NBPF3: variants seen among roughly 807,000 people sequenced by gnomAD.
The protein encoded by NBPF3 is NBPF member 3, also known as NBPF family member NBPF3.
In NBPF3, 57 loss-of-function variants were observed where a neutral mutation model predicts 78.1. That is an observed-to-expected ratio of 0.73 (90% confidence interval 0.59 to 0.91). The LOEUF is 0.91. Ranked by LOEUF, NBPF3 falls within the 40% of genes least tolerant of loss-of-function variation. The probability of loss-of-function intolerance (pLI) is 0.00; values close to 1 mark genes in which losing one functional copy is unlikely to be tolerated. For missense variants in NBPF3, 510 were observed against 715.3 expected (o/e 0.71, Z 3.27); for synonymous variants, 182 against 271.7 (o/e 0.67, Z 3.25).
At position 21,480,111 on chromosome 1, in the gene NBPF3, A is replaced by G. The variant is rs1643126891; in HGVS notation, c.1269A>G (p.Arg423=). 8.9e-7 allele frequency: 1 copy of G among 1,118,162 alleles called. No homozygotes were observed. Among genetic ancestry groups the G allele is most frequent in the Non-Finnish European group, 1.3e-6 (1 of 752,438 alleles). The allele number at this position is 1,118,162 out of a possible 1,614,324, so 69.3% of individuals were successfully genotyped here. The change falls in exon 11 of 15, where the codon AGA becomes AGG. Residue 423 remains arginine (R), a synonymous_variant. Transcript: ENST00000318249. ...EPEVLQDSLD[R]FYSTPFEYLE... ...AAGTCTTGCAGGACTCACTGGATAG[A>G]TTTTATTCAACTCCTTTTGAGTACC...
At chr1:21,479,312 G>A (rs758844506) in intron 9 of NBPF3, 37 bp from the exon 10 acceptor site, 1 of 1,603,852 alleles carries the variant, frequency 6.2e-7, no homozygotes, top group Non-Finnish European at 8.5e-7. Flanking sequence ...AGGAAGAACT[G>A]CTTCATGTAA....
chr1:21,469,949 CTG>C (rs1642492864), intron 3 of NBPF3, among the ~76,000 whole-genome samples: 1 of 152,232 alleles, frequency 6.6e-6, no homozygotes, highest in Admixed American at 6.5e-5. Context: ...ATACCTACCT[CTG>C]TAAATTGCTG....
intron 2 of NBPF3, among the ~76,000 whole-genome samples, chr1:21,447,461 C>A (rs1641055265): frequency 6.6e-6 from 1 of 152,196 alleles, no homozygotes; most frequent in Admixed American, 6.5e-5. Context: ...CATTTTACTG[C>A]TTCTTTTTGA....
At chr1:21,478,486 G>A (rs1468007257) in intron 9 of NBPF3, among the ~76,000 whole-genome samples, 179 bp downstream of exon 9, 1 of 152,206 alleles carries the variant, frequency 6.6e-6, no homozygotes, top group East Asian at 1.9e-4. Context: ...CGTGGGGTGG[G>A]TCAGTGAGCT....
chr1:21,472,754 A>C, intron 5 of NBPF3, 89 bp from the exon 6 acceptor site: 1 of 911,296 alleles, frequency 1.1e-6, no homozygotes, highest in Non-Finnish European at 1.8e-6. Flanking sequence ...GACCATGCCT[A>C]GATGTTCATG....
intron 14 of NBPF3, 77 bp from the exon 15 acceptor site, chr1:21,483,066 T>C (rs1643307610): frequency 4.4e-6 from 7 of 1,599,276 alleles, no homozygotes; most frequent in Non-Finnish European, 5.1e-6. Context: ...TTCCTTATGT[T>C]ACCCCTGAAA....
At position 21,476,708 on chromosome 1, in the gene NBPF3, C is replaced by CA. The variant is rs763094072; in HGVS notation, c.993-1435dup. ...GACCATTCTCTCTGGCTGCCCTTAA[C>CA]ATTTTTTCCTTCTTTCAACCTTGGT... is the stretch of plus-strand genomic sequence containing the variant. On this transcript the variant is annotated intron_variant, in intron 8 of 14. Transcript: ENST00000318249. The surrounding 1 kb of genome is among the most constrained non-coding windows in gnomAD (Gnocchi z 4.1). Among the ~76,000 whole-genome samples the CA allele has an allele frequency of 2.4e-4, 36 of 152,306 alleles. No individual in the cohort carries two copies. In the South Asian group the frequency reaches 4.8e-3, roughly 20 times the overall value.
chr1:21,470,646 A>G lies in NBPF3; in HGVS notation c.358A>G (p.Lys120Glu), dbSNP rs368166649. The stretch of plus-strand genomic sequence containing the variant: ...TCTTTTCTCAGACTATGAAGACTGC[A>G]AAGACCTCATAAAATCTATGCTGAG... ...RQNNYDYEDC[K>E]DLIKSMLRDE... is the part of the protein sequence containing the mutation. The change falls in exon 4 of 15, where the codon AAA becomes GAA. Residue 120 changes from lysine (K) to glutamate (E), a missense_variant. Lys to Glu is a moderately conservative substitution (Grantham distance 56). Around this residue, in one of 5 missense-constraint regions of NBPF3, gnomAD observed 440 missense variants for 478.2 expected, o/e 0.92. Coordinates refer to ENST00000318249, the MANE Select transcript of NBPF3 (RefSeq NM_032264.6). 1.4e-5 allele frequency: 22 copies of G among 1,597,084 alleles called. No homozygotes were observed. The African/African-American group carries it at 2.5e-4, about 18-fold the overall frequency.
chr1:21,460,220 G>A lies in NBPF3; in HGVS notation c.134-8468G>A, dbSNP rs534302771. On this transcript the variant is annotated intron_variant, in intron 2 of 14. Transcript: ENST00000318249. The surrounding 1 kb of genome is among the most constrained non-coding windows in gnomAD (Gnocchi z 4.2). Reference sequence around the variant, plus strand: ...CTGGCTGTGCAGTGGCCCTCGCACCGCCATATATATATATTTATTATACTT... The same window carrying A: ...CTGGCTGTGCAGTGGCCCTCGCACCACCATATATATATATTTATTATACTT... 6.4e-6 allele frequency: 1 copy of A among 155,254 alleles called. No individual in the cohort carries two copies. Among genetic ancestry groups the A allele is most frequent in the Non-Finnish European group, 1.4e-5 (1 of 69,660 alleles). 9.6% of individuals were successfully genotyped at this position (155,254 alleles called of 1,614,324 possible).
At chr1:21,444,922 C>T in intron 1 of NBPF3, 26 bp from the exon 2 acceptor site, 1 of 689,316 alleles carries the variant, frequency 1.5e-6, no homozygotes, top group Non-Finnish European at 2.3e-6. Context: ...CAATGTTAAC[C>T]TTGATTTCTC....
At chr1:21,465,451 G>GTAAGTT (rs1367694007) in intron 2 of NBPF3, among the ~76,000 whole-genome samples, 1 of 152,244 alleles carries the variant, frequency 6.6e-6, no homozygotes, top group Non-Finnish European at 1.5e-5. Flanking sequence ...CTTGGGGGTG[G>GTAAGTT]GACCCATTGA....
At chr1:21,475,936 CT>C (rs140740655) in intron 8 of NBPF3, among the ~76,000 whole-genome samples, 69,358 of 144,006 alleles carry the variant, frequency 0.48, 17,730 homozygotes, top group Middle Eastern at 0.63. Flanking sequence ...TCAGGACTTG[CT>C]TTATGAATCT....
At chr1:21,451,238 T>C (rs905694495) in intron 2 of NBPF3, among the ~76,000 whole-genome samples, 2 of 152,274 alleles carry the variant, frequency 1.3e-5, no homozygotes, top group Non-Finnish European at 2.9e-5. Context: ...TGACAGATAC[T>C]TGAATGTTTC....
Position 21,452,887 on chromosome 1 carries a change from A to C in NBPF3, c.133+7668A>C, listed in dbSNP as rs539611476. 2.8e-4 allele frequency among the ~76,000 whole-genome samples: 43 copies of C among 152,350 alleles called. No individual in the cohort carries two copies. In the South Asian group the frequency reaches 8.5e-3, roughly 30 times the overall value. On this transcript the variant is annotated intron_variant, in intron 2 of 14. Coordinates refer to ENST00000318249, the MANE Select transcript of NBPF3 (RefSeq NM_032264.6). ...TTTAGGTCAAATTAGGAAGGCATGAAATAAACTGGCCCTTTATAATACAGC... is the reference window on the plus strand; with the variant it reads ...TTTAGGTCAAATTAGGAAGGCATGACATAAACTGGCCCTTTATAATACAGC...
chr1:21,438,118 G>C (rs911156929), upstream of NBPF3, among the ~76,000 whole-genome samples: 2 of 148,004 alleles, frequency 1.4e-5, no homozygotes, highest in Non-Finnish European at 3.0e-5. Flanking sequence ...CCATGCCTGG[G>C]CTATTTATTT....
At chr1:21,443,901 A>G (rs980311449) in intron 1 of NBPF3, among the ~76,000 whole-genome samples, 1 of 152,200 alleles carries the variant, frequency 6.6e-6, no homozygotes, top group African/African-American at 2.4e-5. Context: ...ATGAGCCATC[A>G]CACCTGGCCA....
Position 21,473,409 on chromosome 1 carries a change from T to C in NBPF3, c.764T>C (p.Val255Ala). 6.2e-7 allele frequency: 1 copy of C among 1,614,152 alleles called. No individual in the cohort carries two copies. Among genetic ancestry groups the C allele is most frequent in the South Asian group, 1.1e-5 (1 of 91,086 alleles). The stretch of plus-strand genomic sequence containing the variant: ...GTGCAGAAGGCTGAAGAAAAGGAAG[T>C]CCCTGAGGACTCACTGGAGGAGTGT... ...REVQKAEEKE[V>A]PEDSLEECAI... The change falls in exon 7 of 15, where the codon GTC becomes GCC. Residue 255 changes from valine (V) to alanine (A), a missense_variant. Physicochemically the swap from Val to Ala is moderately conservative, Grantham distance 64. Around this residue, in one of 5 missense-constraint regions of NBPF3, gnomAD observed 440 missense variants for 478.2 expected, o/e 0.92. Coordinates refer to ENST00000318249, the MANE Select transcript of NBPF3 (RefSeq NM_032264.6).
intron 2 of NBPF3, among the ~76,000 whole-genome samples, chr1:21,452,326 A>G (rs529737788): frequency 6.6e-6 from 1 of 152,246 alleles, no homozygotes; most frequent in Non-Finnish European, 1.5e-5. Flanking sequence ...CTTATCTGAA[A>G]TACCACGAGG....
At position 21,478,291 on chromosome 1, in the gene NBPF3, G is replaced by A. The variant is rs766032418; in HGVS notation, c.1140G>A (p.Leu380=). ...CAGTAGAGGAACAGCAAGTCGGCTT[G>A]GCTCTTGACATAGGCAGTGAGTACT... ...FHSVEEQQVG[L]ALDIGRHWCD... The change falls in exon 9 of 15, where the codon TTG becomes TTA. Residue 380 remains leucine (L), a synonymous_variant. Coordinates refer to ENST00000318249, the MANE Select transcript of NBPF3 (RefSeq NM_032264.6). 6.2e-7 allele frequency: 1 copy of A among 1,613,960 alleles called. No individual in the cohort carries two copies. Among genetic ancestry groups the A allele is most frequent in the South Asian group, 1.1e-5 (1 of 91,072 alleles).
Sources: allele counts gnomAD v4.1 joint callset (sites outside exome capture counted in the v4.1 genomes callset), GRCh38; gene constraint gnomAD v4.1.1; regional missense constraint gnomAD v4.1.1; non-coding constraint Gnocchi (gnomAD v3.1); transcripts MANE v1.5; gene names NCBI Gene and HGNC (gene_info 2026-07-23, HGNC 2026-07-21).